SVEP1: variants seen among roughly 807,000 people sequenced by gnomAD.
The protein encoded by SVEP1 is sushi, von Willebrand factor type A, EGF and pentraxin domain containing 1.
SVEP1 carries 164 observed loss-of-function variants against 367.3 expected under a neutral mutation model. The ratio of observed to expected loss-of-function variants is 0.45; its 90% CI spans 0.39 to 0.51. SVEP1 has a LOEUF of 0.51. Among genes scored for constraint, SVEP1 ranks in the 20% least tolerant of loss-of-function variants. SVEP1 has a pLI of 0.00. For missense variants in SVEP1, 4,117 were observed against 4,425.3 expected, an observed-to-expected ratio of 0.93 and a Z score of 1.98; for synonymous variants, 1,666 against 1,611.6, an observed-to-expected ratio of 1.03 and a Z score of -0.81.
chr9:110,456,753 A>AC (rs1227497754), intron 21 of SVEP1, among the ~76,000 whole-genome samples: 1 of 152,146 alleles, frequency 6.6e-6, no homozygotes, highest in Non-Finnish European at 1.5e-5. Flanking sequence ...ACTGTTAAAA[A>AC]CCCCCATAAT....
chr9:110,559,760 T>C (rs1218821150), intron 1 of SVEP1, among the ~76,000 whole-genome samples: 2 of 152,114 alleles, frequency 1.3e-5, no homozygotes, highest in African/African-American at 4.8e-5. Context: ...AGGATGTATG[T>C]GTATCCCAGA....
Position 110,465,850 on chromosome 9 carries a change from T to C in SVEP1, c.3322+15A>G, listed in dbSNP as rs370260691. ...GTAGGTTTAAAGAAATATCAATGTC[T>C]AAGGCTTTGATAACCTCCACATGCA... On this transcript the variant is annotated intron_variant, in intron 18 of 47. Transcript: ENST00000374469. 6.2e-7 allele frequency: 1 copy of C among 1,610,160 alleles called. No homozygotes were observed. Among genetic ancestry groups the C allele is most frequent in the Non-Finnish European group, 8.5e-7 (1 of 1,177,816 alleles).
chr9:110,478,573 G>A (rs893832563), intron 13 of SVEP1, among the ~76,000 whole-genome samples: 1 of 152,172 alleles, frequency 6.6e-6, no homozygotes, highest in Non-Finnish European at 1.5e-5. Flanking sequence ...TAATTAGTAT[G>A]AGTGTATTGT....
chr9:110,437,746 G>A (rs1033500490), intron 27 of SVEP1, among the ~76,000 whole-genome samples: 6 of 152,062 alleles, frequency 3.9e-5, no homozygotes, highest in Non-Finnish European at 5.9e-5. Flanking sequence ...CACCTGAGCT[G>A]TGTAAACTGT....
intron 5 of SVEP1, among the ~76,000 whole-genome samples, chr9:110,505,288 T>C (rs1268415290): frequency 6.6e-6 from 1 of 152,050 alleles, no homozygotes; most frequent in African/African-American, 2.4e-5. Flanking sequence ...TATGTTAGAG[T>C]CCATTTCCAT....
At chr9:110,446,059 G>A in intron 25 of SVEP1, 21 bp from the exon 26 acceptor site, 2 of 1,581,908 alleles carry the variant, frequency 1.3e-6, no homozygotes, top group Non-Finnish European at 1.7e-6. Context: ...TAAGAAAAGT[G>A]TGCAGACTGT....
intron 41 of SVEP1, among the ~76,000 whole-genome samples, chr9:110,388,481 G>A (rs974135188): frequency 2.0e-5 from 3 of 152,136 alleles, no homozygotes; most frequent in Admixed American, 6.5e-5. Context: ...CAGACCAAAT[G>A]AGTCCAAATC....
chr9:110,427,898 CT>C, intron 35 of SVEP1, 140 bp from the exon 36 acceptor site: 1 of 1,011,808 alleles, frequency 9.9e-7, no homozygotes, highest in Non-Finnish European at 1.4e-6. Flanking sequence ...TATTAGATTG[CT>C]TTATATGAAA....
Position 110,407,759 on chromosome 9 carries a change from C to T in SVEP1, c.7841G>A (p.Gly2614Asp), listed in dbSNP as rs367732204. Residue 2614 changes from glycine to aspartate, a missense_variant, in exon 38 of 48, where the codon GGC becomes GAC. Gly to Asp is a moderately conservative substitution (Grantham distance 94). Around this residue, in one of 4 missense-constraint regions of SVEP1, gnomAD observed 1,765 missense variants for 1,781.1 expected, o/e 0.99. Transcript: ENST00000374469. ...TCCAAAATCTATATGAGGAGGGAGGCCACAGTCTATTGGCATACATGTTGG... is the reference window on the plus strand; with the variant it reads ...TCCAAAATCTATATGAGGAGGGAGGTCACAGTCTATTGGCATACATGTTGG... ...SIPTCMPIDC[G>D]LPPHIDFGDC... 2 of 1,613,864 alleles carry T rather than the reference C, an allele frequency of 1.2e-6. No individual in the cohort carries two copies. Among genetic ancestry groups the T allele is most frequent in the East Asian group, 2.2e-5 (1 of 44,888 alleles).
chr9:110,507,330 A>G (rs1022970943), intron 5 of SVEP1, among the ~76,000 whole-genome samples: 2 of 152,212 alleles, frequency 1.3e-5, no homozygotes, highest in Non-Finnish European at 1.5e-5. Context: ...ACATTTAGTT[A>G]CGTCAAAGAC....
Position 110,429,991 on chromosome 9 carries a change from A to G in SVEP1, c.5544T>C (p.Gly1848=). 6.2e-7 allele frequency: 1 copy of G among 1,612,444 alleles called. No individual in the cohort carries two copies. Reference sequence around the variant, plus strand: ...AACCATTTTCTGGAATAGCCGGTTTACCACATGAAACAGCTTAACAAAGGA... The same window carrying G: ...AACCATTTTCTGGAATAGCCGGTTTGCCACATGAAACAGCTTAACAAAGGA... ...LIPYCKAVSC[G]KPAIPENGCI... is the part of the protein sequence containing the mutation. Residue 1848 remains glycine, a synonymous_variant, in exon 34 of 48, where the codon GGT becomes GGC. Transcript: ENST00000374469.
intron 46 of SVEP1, among the ~76,000 whole-genome samples, chr9:110,371,784 C>G (rs10980349): frequency 0.21 from 32,461 of 152,156 alleles, 3,965 homozygotes; most frequent in Middle Eastern, 0.35. Flanking sequence ...CTTTAACTGT[C>G]TCTCAAATCT....
intron 1 of SVEP1, among the ~76,000 whole-genome samples, chr9:110,573,810 C>T (rs1330790974): frequency 6.6e-6 from 1 of 152,186 alleles, no homozygotes; most frequent in Non-Finnish European, 1.5e-5. Context: ...CCAGAACAAA[C>T]AGCTGAAGAG....
chr9:110,465,434 A>C (rs944477403), intron 18 of SVEP1, among the ~76,000 whole-genome samples: 1 of 152,248 alleles, frequency 6.6e-6, no homozygotes, highest in Non-Finnish European at 1.5e-5. Flanking sequence ...TGCCTGACTG[A>C]ATAACTACTC....
intron 29 of SVEP1, among the ~76,000 whole-genome samples, 177 bp from the exon 30 acceptor site, chr9:110,434,683 A>AAAAAAAAAAAAAAAAAAAAAC: frequency 6.6e-6 from 1 of 150,586 alleles, no homozygotes; most frequent in East Asian, 1.9e-4. Flanking sequence ...AAAAAAAAAA[A>AAAAAAAAAAAAAAAAAAAAAC]AAAGCATTTA....
intron 30 of SVEP1, among the ~76,000 whole-genome samples, chr9:110,433,389 G>A (rs1236186123): frequency 3.2e-5 from 4 of 123,998 alleles, no homozygotes; most frequent in Non-Finnish European, 5.0e-5. Context: ...AAAAAAAAAC[G>A]GTGAATATAT....
At chr9:110,491,590 G>GGTGT (rs55905097) in intron 8 of SVEP1, among the ~76,000 whole-genome samples, 34,451 of 147,666 alleles carry the variant, frequency 0.23, 4,153 homozygotes, top group Admixed American at 0.33. Flanking sequence ...TATAGAATGG[G>GGTGT]GTGTGTGTGT....
chr9:110,563,276 G>A (rs144261928), intron 1 of SVEP1, among the ~76,000 whole-genome samples: 1 of 152,038 alleles, frequency 6.6e-6, no homozygotes, highest in South Asian at 2.1e-4. Context: ...TACAGCATGT[G>A]CTTTTACTAC....
chr9:110,366,751 T>C (rs1204008983), intron 47 of SVEP1, among the ~76,000 whole-genome samples, 191 bp from the exon 48 acceptor site: 2 of 152,224 alleles, frequency 1.3e-5, no homozygotes, highest in African/African-American at 2.4e-5. Context: ...TGCTAACTTA[T>C]GGAAAGATCT....
Sources: allele counts gnomAD v4.1 joint callset (sites outside exome capture counted in the v4.1 genomes callset), GRCh38; gene constraint gnomAD v4.1.1; regional missense constraint gnomAD v4.1.1; transcripts MANE v1.5; gene names NCBI Gene and HGNC (gene_info 2026-07-23, HGNC 2026-07-21).